The following ESR1 variants were observed in gnomAD, a reference collection of about 807,000 sequenced individuals.
ESR1 encodes estrogen receptor.
Under a neutral mutation model 52.7 loss-of-function variants are expected in ESR1, and 12 were observed. That is an observed-to-expected ratio of 0.23 (90% CI 0.15 to 0.37). ESR1 has a LOEUF of 0.37. Among genes scored for constraint, ESR1 ranks in the 10% least tolerant of loss-of-function variants. ESR1 has a pLI of 1.00. For synonymous variants in ESR1, 305 were observed against 316.8 expected (o/e 0.96, Z 0.39); for missense variants, 584 against 779.7 (o/e 0.75, Z 2.99).
intron 2 of ESR1, among the ~76,000 whole-genome samples, chr6:151,786,919 C>T (rs1283937466): frequency 6.6e-6 from 1 of 152,174 alleles, no homozygotes; most frequent in African/African-American, 2.4e-5. Flanking sequence ...AAGCGATTCC[C>T]CTGCCTCAGT....
At chr6:152,090,195 C>T (rs1057306583) in intron 6 of ESR1, among the ~76,000 whole-genome samples, 7 of 152,160 alleles carry the variant, frequency 4.6e-5, no homozygotes, top group African/African-American at 9.6e-5. Context: ...GCAGGGCACC[C>T]GAAAGGCTGA....
intron 3 of ESR1, among the ~76,000 whole-genome samples, chr6:151,918,773 A>C (rs1367578054): frequency 1.3e-5 from 2 of 152,240 alleles, no homozygotes. Context: ...GATTTGTTCC[A>C]AACTTATATA....
intron 1 of ESR1, among the ~76,000 whole-genome samples, chr6:151,666,657 T>C (rs935546021): frequency 6.6e-6 from 1 of 150,784 alleles, no homozygotes; most frequent in Non-Finnish European, 1.5e-5. Flanking sequence ...TCTACTTGGC[T>C]GGGTTCTTAC....
At chr6:151,912,628 A>T (rs1798440129) in intron 3 of ESR1, among the ~76,000 whole-genome samples, 1 of 152,204 alleles carries the variant, frequency 6.6e-6, no homozygotes, top group Non-Finnish European at 1.5e-5. Flanking sequence ...ACATCCGTAT[A>T]AACATCTCAG....
chr6:151,748,177 G>A (rs1783622275), intron 2 of ESR1, among the ~76,000 whole-genome samples: 1 of 152,054 alleles, frequency 6.6e-6, no homozygotes, highest in Admixed American at 6.5e-5. Context: ...TAAAACTACT[G>A]AAAAAAGTGA....
chr6:151,804,510 T>C (rs1465458985), upstream of ESR1: 1 of 152,078 alleles, frequency 6.6e-6, no homozygotes, highest in Non-Finnish European at 1.5e-5. Context: ...CTTTTCAATA[T>C]TTATTTATAT....
upstream of ESR1, among the ~76,000 whole-genome samples, chr6:151,806,260 G>C (rs1281268976): frequency 6.6e-6 from 1 of 151,820 alleles, no homozygotes; most frequent in African/African-American, 2.4e-5. Context: ...GTCCAACAAT[G>C]GTCTATTTTT....
chr6:151,725,386 A>T (rs1191475220), intron 2 of ESR1, among the ~76,000 whole-genome samples: 1 of 152,108 alleles, frequency 6.6e-6, no homozygotes, highest in Non-Finnish European at 1.5e-5. Flanking sequence ...AAGGACATAG[A>T]ATTTATTTTT....
intron 2 of ESR1, among the ~76,000 whole-genome samples, chr6:151,758,844 T>C (rs1784460536): frequency 6.6e-6 from 1 of 151,870 alleles, no homozygotes; most frequent in Non-Finnish European, 1.5e-5. Flanking sequence ...ACTGATTTGC[T>C]GGCAGAGTTA....
At chr6:151,791,951 T>C (rs938098703) in intron 2 of ESR1, among the ~76,000 whole-genome samples, 9 of 152,214 alleles carry the variant, frequency 5.9e-5, no homozygotes, top group African/African-American at 2.2e-4. Context: ...GGGATGAGTT[T>C]GGAGGAAGGT....
At chr6:151,712,277 T>C (rs1349760862) in intron 2 of ESR1, among the ~76,000 whole-genome samples, 2 of 152,352 alleles carry the variant, frequency 1.3e-5, no homozygotes, top group South Asian at 2.1e-4. Context: ...TTAGGTAGCA[T>C]GATCCCTCCA....
intron 2 of ESR1, among the ~76,000 whole-genome samples, chr6:151,773,511 C>G (rs1001644750): frequency 1.3e-5 from 2 of 152,180 alleles, no homozygotes; most frequent in African/African-American, 4.8e-5. Flanking sequence ...AAGCTGAAAG[C>G]CTATGGACAA....
At chr6:151,747,838 G>T (rs1197891583) in intron 2 of ESR1, among the ~76,000 whole-genome samples, 2 of 152,138 alleles carry the variant, frequency 1.3e-5, no homozygotes, top group Non-Finnish European at 2.9e-5. Context: ...TGCCAAATAA[G>T]ACTTCATTGT....
rs542307106 is a variant in ESR1 at position 151,940,889 on chromosome 6, T to C, written c.761-3284T>C. ...AACGGATTTTTACTAAATGAACAAA[T>C]ACTTTGATAAAATATTTTTGATTAC... On this transcript the variant is annotated intron_variant, in intron 3 of 7. Transcript: ENST00000206249. Among the ~76,000 whole-genome samples the C allele has an allele frequency of 1.8e-4, 28 of 152,354 alleles. 1 individual carries two copies. The South Asian group carries it at 4.8e-3, about 26-fold the overall frequency.
In ESR1 at chr6:151,808,345, G is replaced by T. The variant is rs201617046; in HGVS notation, c.433G>T (p.Gly145Cys). 2 of 1,518,526 alleles carry T rather than the reference G, an allele frequency of 1.3e-6. No individual in the cohort carries two copies. Among genetic ancestry groups the T allele is most frequent in the African/African-American group, 1.4e-5 (1 of 72,416 alleles). The allele number at this position is 1,518,526 out of a possible 1,614,324, so 94.1% of individuals were successfully genotyped here. A position where few individuals can be genotyped will look rare whatever the true frequency, so the allele number is the denominator to read the frequency against. ...EPSGYTVREA[G>C]PPAFYRPNSD... ...CAGCGGCTACACGGTGCGCGAGGCC[G>T]GCCCGCCGGCATTCTACAGGTACCC... Residue 145 changes from glycine to cysteine, a missense_variant, in exon 1 of 8, where the codon GGC becomes TGC. Gly to Cys is a radical substitution (Grantham distance 159). Coordinates refer to ENST00000206249, the MANE Select transcript of ESR1 (RefSeq NM_000125.4).
chr6:152,014,492 C>G (rs1463100633), intron 5 of ESR1, among the ~76,000 whole-genome samples: 2 of 136,650 alleles, frequency 1.5e-5, no homozygotes, highest in South Asian at 2.4e-4. Flanking sequence ...GTACTCTAAA[C>G]TGCACACTCA....
intron 3 of ESR1, among the ~76,000 whole-genome samples, chr6:151,891,669 T>G (rs1794715692): frequency 6.6e-6 from 1 of 152,194 alleles, no homozygotes. Flanking sequence ...AATGCTCCTT[T>G]CATTGTTATG....
intron 3 of ESR1, among the ~76,000 whole-genome samples, chr6:151,895,564 C>A (rs1264260256): frequency 6.6e-6 from 1 of 152,094 alleles, no homozygotes; most frequent in Non-Finnish European, 1.5e-5. Flanking sequence ...ACCTTGTATA[C>A]CGATTTTGCT....
At position 152,073,902 on chromosome 6, in the gene ESR1, ATT is replaced by A. The variant is rs559597159; in HGVS notation, c.1369+12779_1369+12780del. Among the ~76,000 whole-genome samples, 19 of 152,018 alleles carry A rather than the reference ATT, an allele frequency of 1.2e-4. 1 individual carries two copies. The South Asian group carries it at 3.6e-3, about 29-fold the overall frequency. On this transcript the variant is annotated intron_variant, in intron 6 of 7. Coordinates refer to ENST00000206249, the MANE Select transcript of ESR1 (RefSeq NM_000125.4). ...AATTTCCTAGTAATTGTACTGAATC[ATT>A]GTTTTTCATTTTTTACATTAAAATT...
Sources: gnomAD v4.1 joint callset for allele counts (sites outside exome capture counted in the v4.1 genomes callset) on GRCh38, gnomAD v4.1.1 for gene constraint, MANE v1.5 for transcripts, NCBI Gene and HGNC (gene_info 2026-07-23, HGNC 2026-07-21) for gene names.